Variants in RAP1GAP2 observed in about 807,000 individuals in gnomAD.
The protein encoded by RAP1GAP2 is rap1 GTPase-activating protein 2.
RAP1GAP2 carries 27 observed loss-of-function variants against 95.0 expected under a neutral mutation model. The observed-to-expected ratio is 0.28, with a 90% CI of 0.21 to 0.39. The LOEUF is 0.39. RAP1GAP2 is among the 10% of genes least tolerant of loss of function. The pLI, the probability that RAP1GAP2 is intolerant of heterozygous loss-of-function variation, is 1.00. For synonymous variants in RAP1GAP2, 373 were observed against 380.9 expected (o/e 0.98, Z 0.24); for missense variants, 771 against 970.0 (o/e 0.79, Z 2.72).
chr17:2,815,602 C>T (rs1003578666), intron 2 of RAP1GAP2, among the ~76,000 whole-genome samples: 1 of 151,956 alleles, frequency 6.6e-6, no homozygotes, highest in Non-Finnish European at 1.5e-5. Flanking sequence ...CTGTCTCAGC[C>T]TCTTGAGTAG....
intron 3 of RAP1GAP2, among the ~76,000 whole-genome samples, chr17:2,931,657 G>A (rs963410981): frequency 4.6e-5 from 7 of 152,214 alleles, no homozygotes; most frequent in Non-Finnish European, 1.0e-4. Context: ...GGAGCTTGGG[G>A]ACTGACTGAC....
chr17:2,817,098 G>A lies in RAP1GAP2; in HGVS notation c.80+16548G>A, dbSNP rs1431867095. Among the ~76,000 whole-genome samples the A allele has an allele frequency of 6.4e-5, 7 of 108,600 alleles. 1 individual carries two copies. The highest frequency in any genetic ancestry group is 2.1e-4 in the African/African-American group (7 of 32,800). The allele number at this position is 108,600 out of a possible 152,430, so 71.2% of individuals were successfully genotyped here. On this transcript the variant is annotated intron_variant, in intron 2 of 24. Transcript: ENST00000254695. ...CACTTCCCAGGCTCAAGCGTTTCTC[G>A]TGCCTCAGCCTCCTATGTAGCTGGG... is the stretch of plus-strand genomic sequence containing the variant.
In RAP1GAP2 at chr17:2,871,810, G is replaced by T. The variant is rs1483621730; in HGVS notation, c.81-33474G>T. On this transcript the variant is annotated intron_variant, in intron 2 of 24. Transcript: ENST00000254695. This position sits in a 1 kb window ranked among gnomAD's most constrained non-coding sequence, Gnocchi z 5.0. ...CCACACACGTGGAATGACGTAGAAT[G>T]AGGTCATTCACGGCAATATTATTTG... Among the ~76,000 whole-genome samples the T allele has an allele frequency of 6.6e-6, 1 of 152,220 alleles. No individual in the cohort carries two copies.
At chr17:2,830,501 G>A (rs2070777293) in intron 2 of RAP1GAP2, among the ~76,000 whole-genome samples, 1 of 152,004 alleles carries the variant, frequency 6.6e-6, no homozygotes, top group Non-Finnish European at 1.5e-5. Flanking sequence ...AGATCACGAT[G>A]TCAAGAGATC....
chr17:2,919,575 A>G (rs1327476506), intron 3 of RAP1GAP2, among the ~76,000 whole-genome samples: 1 of 150,194 alleles, frequency 6.7e-6, no homozygotes, highest in Admixed American at 6.6e-5. Context: ...CCTAAAAGCC[A>G]TGGGGGGCCA....
chr17:2,823,607 C>A (rs111866909), intron 2 of RAP1GAP2, among the ~76,000 whole-genome samples: 1 of 152,060 alleles, frequency 6.6e-6, no homozygotes, highest in Admixed American at 6.6e-5. Context: ...GTGTGCCACT[C>A]GCTCCTCTCC....
chr17:2,885,088 C>T (rs1252197030), intron 2 of RAP1GAP2, among the ~76,000 whole-genome samples: 6 of 135,052 alleles, frequency 4.4e-5, no homozygotes, highest in African/African-American at 1.7e-4. Flanking sequence ...GGCTGGAGTA[C>T]AGTGGCACGA....
chr17:2,905,223 T>C (rs2042161635), intron 2 of RAP1GAP2, 61 bp from the exon 3 acceptor site: 9 of 1,498,578 alleles, frequency 6.0e-6, no homozygotes, highest in Non-Finnish European at 8.3e-6. Context: ...CCAGTCACTC[T>C]TGGAGGAGAG....
intron 3 of RAP1GAP2, among the ~76,000 whole-genome samples, chr17:2,926,476 C>T (rs923973131): frequency 1.8e-4 from 28 of 152,278 alleles, no homozygotes; most frequent in African/African-American, 6.0e-4. Context: ...CCCAGAGCAT[C>T]GCAGTTTTGA....
At chr17:2,814,781 C>T (rs1597360772) in intron 2 of RAP1GAP2, among the ~76,000 whole-genome samples, 3 of 152,242 alleles carry the variant, frequency 2.0e-5, no homozygotes, top group Admixed American at 1.3e-4. Flanking sequence ...GTGGAGTGGG[C>T]GGAAATCCGT....
chr17:2,923,160 C>T (rs889646486), intron 3 of RAP1GAP2, among the ~76,000 whole-genome samples: 3 of 151,730 alleles, frequency 2.0e-5, no homozygotes, highest in Non-Finnish European at 4.4e-5. Context: ...CTGCCTCAGC[C>T]TCCCGAGCAG....
intron 2 of RAP1GAP2, among the ~76,000 whole-genome samples, chr17:2,842,750 G>A (rs1057360124): frequency 3.3e-5 from 5 of 151,944 alleles, no homozygotes; most frequent in Non-Finnish European, 7.4e-5. Context: ...CTGAGTTTAT[G>A]CCTCCAGTGT....
chr17:2,820,896 T>TTTTTTG (rs2070265407), intron 2 of RAP1GAP2, among the ~76,000 whole-genome samples: 1 of 139,850 alleles, frequency 7.2e-6, no homozygotes. Context: ...ATAATGGTTT[T>TTTTTTG]TTTTTTTTTT....
chr17:3,007,890 C>T (rs568792055), intron 16 of RAP1GAP2, 121 bp from the exon 17 acceptor site: 61 of 1,238,142 alleles, frequency 4.9e-5, no homozygotes, highest in Non-Finnish European at 6.6e-5. Context: ...AGGTCCACAC[C>T]GTTGCTGGGC....
chr17:2,889,110 G>A (rs1016709071), intron 2 of RAP1GAP2, among the ~76,000 whole-genome samples: 8 of 152,128 alleles, frequency 5.3e-5, no homozygotes, highest in Non-Finnish European at 8.8e-5. Context: ...CAGTGGGATC[G>A]CTGGGTCATG....
Position 2,902,113 on chromosome 17 carries a change from G to T in RAP1GAP2, c.81-3171G>T, listed in dbSNP as rs1597562684. Among the ~76,000 whole-genome samples the T allele has an allele frequency of 6.6e-6, 1 of 152,218 alleles. No homozygotes were observed. Among genetic ancestry groups the T allele is most frequent in the East Asian group, 1.9e-4 (1 of 5,184 alleles). On this transcript the variant is annotated intron_variant, in intron 2 of 24. Transcript: ENST00000254695. This position sits in a 1 kb window ranked among gnomAD's most constrained non-coding sequence, Gnocchi z 4.1. ...CTCGCCTCTTCTAGCCTCTGGCGGG[G>T]TCGGCAAGCCTCAGCATGCGTTGGC...
intron 2 of RAP1GAP2, among the ~76,000 whole-genome samples, chr17:2,808,249 C>T (rs2069605817): frequency 6.6e-6 from 1 of 152,008 alleles, no homozygotes; most frequent in Non-Finnish European, 1.5e-5. Flanking sequence ...GCCTTCCCTG[C>T]CTGGAGCTGG....
intron 2 of RAP1GAP2, among the ~76,000 whole-genome samples, chr17:2,896,922 C>T (rs1222644965): frequency 5.9e-5 from 9 of 152,206 alleles, no homozygotes; most frequent in African/African-American, 1.9e-4. Flanking sequence ...AGACTCCAGC[C>T]GGCTCATCTC....
chr17:2,932,684 C>T (rs1256019849), intron 3 of RAP1GAP2, among the ~76,000 whole-genome samples: 3 of 149,738 alleles, frequency 2.0e-5, no homozygotes, highest in African/African-American at 4.9e-5. Flanking sequence ...GGAGTGGTGG[C>T]GGGCGCCTGT....
Sources: gnomAD v4.1 joint callset for allele counts (sites outside exome capture counted in the v4.1 genomes callset) on GRCh38, gnomAD v4.1.1 for gene constraint, Gnocchi (gnomAD v3.1) non-coding constraint, MANE v1.5 for transcripts, NCBI Gene and HGNC (gene_info 2026-07-23, HGNC 2026-07-21) for gene names.